The following DNM3 variants were observed in gnomAD, a reference collection of about 807,000 sequenced individuals.
The protein encoded by DNM3 is dynamin-3.
Under a neutral mutation model 101.6 loss-of-function variants are expected in DNM3, and 47 were observed. That is an observed-to-expected ratio of 0.46 (90% CI 0.37 to 0.59). The LOEUF (loss-of-function observed/expected upper bound fraction) is 0.59, where lower values mean the gene tolerates loss of function less well. DNM3 is among the 20% of genes least tolerant of loss of function. The probability of loss-of-function intolerance (pLI) is 0.00; values close to 1 mark genes in which losing one functional copy is unlikely to be tolerated. For synonymous variants in DNM3, 385 were observed against 387.9 expected (o/e 0.99, Z 0.09); for missense variants, 849 against 1,085.7 (o/e 0.78, Z 3.06).
chr1:172,368,440 C>T (rs61806088), intron 17 of DNM3, among the ~76,000 whole-genome samples: 3 of 151,610 alleles, frequency 2.0e-5, no homozygotes, highest in Non-Finnish European at 4.4e-5. Context: ...AAAATATAAA[C>T]ATAATATATC....
Position 172,253,666 on chromosome 1 carries a change from T to C in DNM3, c.1753T>C (p.Phe585Leu). The stretch of plus-strand genomic sequence containing the variant: ...GTCTAGCAAGCACATCTTTGCACTC[T>C]TTAATACAGAGCAAAGGTAAGAAAT... ...FMSSKHIFAL[F>L]NTEQRNVYKD... The change falls in exon 15 of 21, where the codon TTT (phenylalanine) becomes CTT (leucine). Residue 585 changes from phenylalanine (F) to leucine (L), a missense_variant. Physicochemically the swap from Phe to Leu is conservative, Grantham distance 22. Around this residue, in one of 5 missense-constraint regions of DNM3, gnomAD observed 193 missense variants for 238.4 expected, o/e 0.81. Coordinates refer to ENST00000627582, the MANE Select transcript of DNM3 (RefSeq NM_015569.5). The C allele has an allele frequency of 1.3e-6, 2 of 1,579,634 alleles. No homozygotes were observed. Among genetic ancestry groups the C allele is most frequent in the Non-Finnish European group, 1.7e-6 (2 of 1,161,792 alleles).
chr1:171,918,585 T>A (rs2039907681), intron 1 of DNM3, among the ~76,000 whole-genome samples: 1 of 152,204 alleles, frequency 6.6e-6, no homozygotes, highest in Admixed American at 6.5e-5. Flanking sequence ...AGGATAGACT[T>A]CGAAATAGTA....
intron 17 of DNM3, among the ~76,000 whole-genome samples, chr1:172,340,055 A>G (rs1360057950): frequency 3.3e-5 from 5 of 152,236 alleles, no homozygotes; most frequent in Middle Eastern, 3.4e-3. Flanking sequence ...AGATTGTGCA[A>G]TCTAGCAGCT....
chr1:172,304,623 A>G (rs966126091), intron 15 of DNM3, among the ~76,000 whole-genome samples: 1 of 152,196 alleles, frequency 6.6e-6, no homozygotes, highest in African/African-American at 2.4e-5. Context: ...AGTTGACCAC[A>G]TAGTTGGAAG....
intron 13 of DNM3, among the ~76,000 whole-genome samples, chr1:172,119,342 A>G (rs115963297): frequency 0.013 from 1,999 of 152,190 alleles, 37 homozygotes; most frequent in African/African-American, 0.045. Flanking sequence ...AAAACCAGTG[A>G]AAAAAATTTT....
intron 4 of DNM3, among the ~76,000 whole-genome samples, chr1:172,020,714 A>G (rs2125747958): frequency 9.8e-6 from 1 of 101,884 alleles, no homozygotes; most frequent in East Asian, 3.5e-4. Flanking sequence ...ACAGTGTGAG[A>G]CTCCGTCAAA....
chr1:172,006,210 G>C (rs2046676950), intron 4 of DNM3, among the ~76,000 whole-genome samples: 2 of 152,142 alleles, frequency 1.3e-5, no homozygotes, highest in South Asian at 2.1e-4. Flanking sequence ...TGGCAGTGAG[G>C]GAGGTTTCTT....
At chr1:172,344,376 A>T (rs189164849) in intron 17 of DNM3, among the ~76,000 whole-genome samples, 1 of 152,246 alleles carries the variant, frequency 6.6e-6, no homozygotes, top group East Asian at 1.9e-4. Flanking sequence ...CTTCTTATTG[A>T]ACTAGAGGCT....
At chr1:172,196,525 C>G (rs1258930407) in intron 14 of DNM3, among the ~76,000 whole-genome samples, 1 of 152,080 alleles carries the variant, frequency 6.6e-6, no homozygotes, top group Non-Finnish European at 1.5e-5. Context: ...TTCCCACCAA[C>G]AGTGTATAAG....
chr1:171,958,065 T>C (rs2042977633), intron 2 of DNM3, among the ~76,000 whole-genome samples: 1 of 152,218 alleles, frequency 6.6e-6, no homozygotes, highest in Admixed American at 6.5e-5. Flanking sequence ...GGACTCATAG[T>C]TCCACGTGGC....
chr1:172,216,176 A>C (rs934065810), intron 14 of DNM3, among the ~76,000 whole-genome samples: 1 of 152,194 alleles, frequency 6.6e-6, no homozygotes, highest in Middle Eastern at 3.4e-3. Context: ...ATCTCATCCA[A>C]ATATAATAAT....
chr1:172,144,583 C>T (rs747800324), intron 14 of DNM3: 14 of 532,836 alleles, frequency 2.6e-5, no homozygotes, highest in African/African-American at 2.3e-4. Flanking sequence ...TGTACAACGG[C>T]ATTGTCCTGA....
At position 172,339,074 on chromosome 1, in the gene DNM3, A is replaced by G. The variant is rs571367533; in HGVS notation, c.1893+15734A>G. On this transcript the variant is annotated intron_variant, in intron 17 of 20. Coordinates refer to ENST00000627582, the MANE Select transcript of DNM3 (RefSeq NM_015569.5). ...AAAAAGAAAGTTTGATTACTATTGA[A>G]GAAAAGTTGGGGGGAACATCTCACT... 9 of 491,534 alleles carry G rather than the reference A, an allele frequency of 1.8e-5. 1 individual carries two copies. The highest frequency in any genetic ancestry group is 3.6e-5 in the Non-Finnish European group (9 of 246,662). 30.4% of individuals were successfully genotyped at this position (491,534 alleles called of 1,614,324 possible).
chr1:171,989,244 TA>T (rs1355702884), intron 4 of DNM3, 96 bp downstream of exon 4: 1 of 1,066,722 alleles, frequency 9.4e-7, no homozygotes, highest in Non-Finnish European at 1.3e-6. Flanking sequence ...GGTTTCATTA[TA>T]AATAAATTAG....
At chr1:172,000,826 C>G (rs544165004) in intron 4 of DNM3, among the ~76,000 whole-genome samples, 2 of 152,120 alleles carry the variant, frequency 1.3e-5, no homozygotes, top group Admixed American at 6.6e-5. Flanking sequence ...TTATAGACAG[C>G]TCTTCAAGGC....
At chr1:172,286,425 A>G (rs1356284353) in intron 15 of DNM3, among the ~76,000 whole-genome samples, 2 of 152,214 alleles carry the variant, frequency 1.3e-5, no homozygotes, top group Non-Finnish European at 2.9e-5. Flanking sequence ...GGATTGCAAC[A>G]ACAACTTTTT....
chr1:171,940,428 T>G (rs16843588), intron 2 of DNM3, among the ~76,000 whole-genome samples: 17,853 of 152,188 alleles, frequency 0.12, 1,250 homozygotes, highest in East Asian at 0.33. Context: ...TTCAGTTGTT[T>G]TCCTGTTACT....
intron 2 of DNM3, among the ~76,000 whole-genome samples, chr1:171,944,359 T>G (rs893328142): frequency 6.8e-6 from 1 of 146,102 alleles, no homozygotes; most frequent in African/African-American, 2.7e-5. Context: ...ATTTATTTAT[T>G]TATTTATTTA....
At chr1:172,085,527 T>C (rs1051378505) in intron 12 of DNM3, among the ~76,000 whole-genome samples, 1 of 152,176 alleles carries the variant, frequency 6.6e-6, no homozygotes, top group Non-Finnish European at 1.5e-5. Flanking sequence ...ACTATAGATA[T>C]GTGCCGTTAG....
Sources: gnomAD v4.1 joint callset for allele counts (sites outside exome capture counted in the v4.1 genomes callset) on GRCh38, gnomAD v4.1.1 for gene constraint, gnomAD v4.1.1 regional missense constraint, MANE v1.5 for transcripts, NCBI Gene and HGNC (gene_info 2026-07-23, HGNC 2026-07-21) for gene names.